Variants in MICAL3 observed in about 807,000 individuals in gnomAD.
The protein encoded by MICAL3 is microtubule associated monooxygenase, calponin and LIM domain containing 3, also known as [F-actin]-monooxygenase MICAL3.
A neutral mutation model predicts 207.4 loss-of-function variants in MICAL3; 62 were observed. The ratio of observed to expected loss-of-function variants is 0.30; its 90% CI spans 0.24 to 0.37. The LOEUF (loss-of-function observed/expected upper bound fraction) is 0.37. Ranked by LOEUF, MICAL3 falls within the 10% of genes least tolerant of loss-of-function variation. MICAL3 has a pLI of 1.00. For missense variants in MICAL3, 2,368 were observed against 2,635.6 expected (o/e 0.90, Z 2.22); for synonymous variants, 1,077 against 1,069.3 (o/e 1.01, Z -0.14).
intron 19 of MICAL3, among the ~76,000 whole-genome samples, chr22:17,852,079 C>A (rs1433473441): frequency 6.6e-6 from 1 of 152,202 alleles, no homozygotes; most frequent in Non-Finnish European, 1.5e-5. Flanking sequence ...TGATGTGACC[C>A]TCCTGTGAGC....
intron 1 of MICAL3, among the ~76,000 whole-genome samples, chr22:17,930,173 C>A (rs554864393): frequency 6.6e-6 from 1 of 152,158 alleles, no homozygotes; most frequent in African/African-American, 2.4e-5. Flanking sequence ...GAGTAGGCAA[C>A]GATAGGGAAC....
intron 19 of MICAL3, among the ~76,000 whole-genome samples, chr22:17,853,431 G>A (rs536028658): frequency 1.7e-3 from 257 of 152,334 alleles, no homozygotes; most frequent in Non-Finnish European, 3.2e-3. Context: ...GCCAGAGAGG[G>A]AGGCCCGTAC....
At chr22:17,828,428 T>C (rs1184479798) in intron 21 of MICAL3, among the ~76,000 whole-genome samples, 3 of 152,236 alleles carry the variant, frequency 2.0e-5, no homozygotes, top group Non-Finnish European at 2.9e-5. Context: ...CGTCCCTTAG[T>C]GGGCCTCATG....
chr22:17,854,880 C>T (rs1778671902), intron 19 of MICAL3, among the ~76,000 whole-genome samples: 1 of 152,210 alleles, frequency 6.6e-6, no homozygotes, highest in Non-Finnish European at 1.5e-5. Flanking sequence ...CGGGACGTTC[C>T]ACTTGGATAT....
intron 21 of MICAL3, among the ~76,000 whole-genome samples, chr22:17,829,862 C>G (rs761541271): frequency 6.7e-5 from 10 of 150,024 alleles, no homozygotes; most frequent in African/African-American, 2.5e-4. Flanking sequence ...TCCTCCAGAA[C>G]CTCTTCTGAC....
intron 6 of MICAL3, among the ~76,000 whole-genome samples, chr22:17,899,885 GAC>G (rs1286470919): frequency 1.3e-5 from 2 of 152,168 alleles, no homozygotes; most frequent in African/African-American, 4.8e-5. Context: ...AGCCTCTTGG[GAC>G]AGTCATCAAG....
At chr22:17,912,665 G>GT (rs1932218645) in intron 1 of MICAL3, among the ~76,000 whole-genome samples, 1 of 152,108 alleles carries the variant, frequency 6.6e-6, no homozygotes, top group Non-Finnish European at 1.5e-5. Flanking sequence ...TGATTTTTGT[G>GT]TATTAACTTT....
At chr22:17,969,184 C>T (rs186865627) in intron 1 of MICAL3, among the ~76,000 whole-genome samples, 41 of 152,254 alleles carry the variant, frequency 2.7e-4, no homozygotes, top group Non-Finnish European at 4.9e-4. Context: ...GGATTACAGG[C>T]GTCCGCCACC....
rs62240561 is a variant in MICAL3 at position 17,876,784 on chromosome 22, G to A, written c.2242-4761C>T. 7.5e-4 allele frequency: 42 copies of A among 55,678 alleles called. 3 individuals carry two copies. Among genetic ancestry groups the A allele is most frequent in the East Asian group, 3.4e-3 (5 of 1,472 alleles). 3.4% of individuals were successfully genotyped at this position (55,678 alleles called of 1,614,324 possible). The stretch of plus-strand genomic sequence containing the variant: ...GAGGTTAGGGAAGTTATGGAGGTTA[G>A]GGAGGTTAGGGAAGTTATGGAGGTT... On this transcript the variant is annotated intron_variant, in intron 16 of 31. Coordinates refer to ENST00000441493, the MANE Select transcript of MICAL3 (RefSeq NM_015241.3).
chr22:17,887,074 G>T, intron 15 of MICAL3, 96 bp downstream of exon 15: 7 of 522,970 alleles, frequency 1.3e-5, no homozygotes, highest in East Asian at 4.9e-5. Flanking sequence ...GGATGAATAT[G>T]AAAAGACCTA....
chr22:17,844,354 C>T (rs889260567), intron 19 of MICAL3, among the ~76,000 whole-genome samples: 1 of 152,194 alleles, frequency 6.6e-6, no homozygotes, highest in Admixed American at 6.5e-5. Context: ...TAAAGGAAAG[C>T]GGCAGGTGAT....
At position 17,830,530 on chromosome 22, in the gene MICAL3, C is replaced by T. The variant is rs189640894; in HGVS notation, c.3055+1324G>A. On this transcript the variant is annotated intron_variant, in intron 21 of 31. Coordinates refer to ENST00000441493, the MANE Select transcript of MICAL3 (RefSeq NM_015241.3). ...AGTGATCATCATCAGATGGAGATGACGATGTCTGGAACAGTGCAAACAAAA... is the reference window on the plus strand; with the variant it reads ...AGTGATCATCATCAGATGGAGATGATGATGTCTGGAACAGTGCAAACAAAA... 8.5e-5 allele frequency among the ~76,000 whole-genome samples: 13 copies of T among 152,320 alleles called. No homozygotes were observed. In the East Asian group the frequency reaches 1.3e-3, roughly 16 times the overall value.
At position 17,846,641 on chromosome 22, in the gene MICAL3, T is replaced by C. The variant is rs1489880405; in HGVS notation, c.2606-4624A>G. On this transcript the variant is annotated intron_variant, in intron 19 of 31. Coordinates refer to ENST00000441493, the MANE Select transcript of MICAL3 (RefSeq NM_015241.3). ...AACAAGCGCTTTGCAAGGTGCTGGA[T>C]TGCCAAGCCGAAGTGCACCCCGCCT... is the stretch of plus-strand genomic sequence containing the variant. 5.9e-5 allele frequency among the ~76,000 whole-genome samples: 9 copies of C among 152,146 alleles called. No individual in the cohort carries two copies. The South Asian group carries it at 6.2e-4, about 11-fold the overall frequency.
At chr22:18,018,121 G>A (rs1321059485) in intron 1 of MICAL3, among the ~76,000 whole-genome samples, 2 of 151,952 alleles carry the variant, frequency 1.3e-5, no homozygotes, top group Non-Finnish European at 2.9e-5. Flanking sequence ...TGATCCGCCT[G>A]CCTCGGCCTC....
At chr22:17,898,769 G>A (rs1163147700) in intron 7 of MICAL3, among the ~76,000 whole-genome samples, 2 of 152,146 alleles carry the variant, frequency 1.3e-5, no homozygotes, top group Non-Finnish European at 2.9e-5. Context: ...TCATATTTCA[G>A]GCCATCATCT....
At chr22:17,908,556 C>CTCGGCCTCCCAGCACT (rs1188882747) in intron 1 of MICAL3, among the ~76,000 whole-genome samples, 21 of 152,302 alleles carry the variant, frequency 1.4e-4, no homozygotes, top group Non-Finnish European at 2.5e-4. Flanking sequence ...ATCTGCCCGC[C>CTCGGCCTCCCAGCACT]TCGGCCTCCC....
chr22:17,869,613 A>G (rs1927511624), intron 17 of MICAL3, among the ~76,000 whole-genome samples: 1 of 152,244 alleles, frequency 6.6e-6, no homozygotes, highest in African/African-American at 2.4e-5. Flanking sequence ...AGACAGAACA[A>G]ATAGCACCAC....
chr22:17,887,495 C>A, intron 13 of MICAL3, 60 bp from the exon 14 acceptor site: 1 of 1,082,230 alleles, frequency 9.2e-7, no homozygotes, highest in Admixed American at 2.0e-5. Context: ...AAAATCCTGA[C>A]CAAAACTACT....
intron 1 of MICAL3, among the ~76,000 whole-genome samples, chr22:18,007,850 G>A (rs985204391): frequency 6.7e-6 from 1 of 149,794 alleles, no homozygotes; most frequent in South Asian, 2.1e-4. Context: ...GTGAACCCGG[G>A]GGGTGGAGCT....
Sources: gnomAD v4.1 joint callset for allele counts (sites outside exome capture counted in the v4.1 genomes callset) on GRCh38, gnomAD v4.1.1 for gene constraint, MANE v1.5 for transcripts, NCBI Gene and HGNC (gene_info 2026-07-23, HGNC 2026-07-21) for gene names.